Variants in CSMD3 observed in about 807,000 individuals in gnomAD.
The protein encoded by CSMD3 is CUB and sushi domain-containing protein 3.
Under a neutral mutation model 435.2 loss-of-function variants are expected in CSMD3, and 177 were observed. The observed-to-expected ratio is 0.41, with a 90% CI of 0.36 to 0.46. The LOEUF (loss-of-function observed/expected upper bound fraction) is 0.46, where lower values mean the gene tolerates loss of function less well. CSMD3 is among the 20% of genes least tolerant of loss of function. CSMD3 has a pLI of 0.34. For missense variants in CSMD3, 4,265 were observed against 4,504.6 expected, an observed-to-expected ratio of 0.95 and a Z score of 1.52; for synonymous variants, 1,656 against 1,520.5, an observed-to-expected ratio of 1.09 and a Z score of -2.07.
intron 37 of CSMD3, among the ~76,000 whole-genome samples, chr8:112,383,166 A>C (rs1437884037): frequency 1.3e-5 from 2 of 152,102 alleles, no homozygotes; most frequent in African/African-American, 2.4e-5. Context: ...TTCTCATTTA[A>C]CAGTACCTTG....
intron 61 of CSMD3, among the ~76,000 whole-genome samples, chr8:112,256,891 A>AT (rs1267057132): frequency 1.3e-5 from 2 of 152,096 alleles, no homozygotes; most frequent in Non-Finnish European, 2.9e-5. Flanking sequence ...GTGAAAGGGG[A>AT]TCCTAAATGT....
chr8:112,918,672 T>C (rs2082642879), intron 10 of CSMD3, among the ~76,000 whole-genome samples: 1 of 151,946 alleles, frequency 6.6e-6, no homozygotes, highest in Admixed American at 6.6e-5. Context: ...GCAAATACTT[T>C]GTATACATAA....
intron 37 of CSMD3, among the ~76,000 whole-genome samples, chr8:112,381,218 C>T (rs545779296): frequency 6.6e-6 from 1 of 152,220 alleles, no homozygotes; most frequent in Non-Finnish European, 1.5e-5. Flanking sequence ...ACCCTGACAG[C>T]AAAGCTGGTA....
At chr8:113,181,095 A>G (rs888753882) in intron 3 of CSMD3, among the ~76,000 whole-genome samples, 1 of 151,988 alleles carries the variant, frequency 6.6e-6, no homozygotes, top group Non-Finnish European at 1.5e-5. Flanking sequence ...ACTGGTTGCT[A>G]GAAAAGAAAT....
chr8:113,122,292 A>G (rs2091006873), intron 4 of CSMD3, among the ~76,000 whole-genome samples: 1 of 152,124 alleles, frequency 6.6e-6, no homozygotes, highest in Non-Finnish European at 1.5e-5. Context: ...TTGTTAATAA[A>G]CGTGCCCCAA....
At chr8:113,168,534 A>AAAAAAAAAC (rs2092203960) in intron 4 of CSMD3, among the ~76,000 whole-genome samples, 1 of 148,600 alleles carries the variant, frequency 6.7e-6, no homozygotes, top group African/African-American at 2.5e-5. Context: ...AAAAAAAAAA[A>AAAAAAAAAC]AAAAAAAAAA....
At chr8:113,144,213 C>T (rs1005441647) in intron 4 of CSMD3, among the ~76,000 whole-genome samples, 4 of 151,132 alleles carry the variant, frequency 2.6e-5, no homozygotes, top group Non-Finnish European at 4.4e-5. Flanking sequence ...ATGTTCTCAG[C>T]TTCAGAGACT....
intron 3 of CSMD3, among the ~76,000 whole-genome samples, chr8:113,236,733 C>T (rs577220110): frequency 4.6e-5 from 7 of 152,128 alleles, no homozygotes; most frequent in Admixed American, 1.3e-4. Flanking sequence ...TCCCAGCTTG[C>T]AGACAGCCTG....
intron 5 of CSMD3, among the ~76,000 whole-genome samples, chr8:113,068,616 C>T (rs908463476): frequency 1.3e-5 from 2 of 152,078 alleles, no homozygotes; most frequent in African/African-American, 2.4e-5. Context: ...TTTTACACTA[C>T]GGAAGTACAA....
intron 19 of CSMD3, among the ~76,000 whole-genome samples, chr8:112,646,210 G>A (rs2074975213): frequency 6.6e-6 from 1 of 152,136 alleles, no homozygotes; most frequent in Non-Finnish European, 1.5e-5. Context: ...AGGACTATAT[G>A]TCATGCAGCT....
chr8:112,775,408 T>C (rs1028453363), intron 13 of CSMD3, among the ~76,000 whole-genome samples: 2 of 151,896 alleles, frequency 1.3e-5, no homozygotes, highest in Non-Finnish European at 2.9e-5. Flanking sequence ...GTGATTTAAA[T>C]ATCACTGAAT....
chr8:112,657,061 C>CTT (rs11387284), intron 17 of CSMD3, among the ~76,000 whole-genome samples: 114 of 131,590 alleles, frequency 8.7e-4, no homozygotes, highest in South Asian at 1.4e-3. Flanking sequence ...TTTCTTTTTA[C>CTT]TTTTTTTTTT....
At chr8:112,553,003 A>G (rs1455893439) in intron 25 of CSMD3, among the ~76,000 whole-genome samples, 1 of 152,166 alleles carries the variant, frequency 6.6e-6, no homozygotes, top group Non-Finnish European at 1.5e-5. Flanking sequence ...AAACATTTTA[A>G]GATGTGTTGT....
intron 5 of CSMD3, among the ~76,000 whole-genome samples, chr8:113,066,625 C>T (rs2088871824): frequency 6.6e-6 from 1 of 151,888 alleles, no homozygotes. Flanking sequence ...GGCTAGTATT[C>T]CTGCTATAAA....
At chr8:113,147,089 A>G (rs2091693430) in intron 4 of CSMD3, among the ~76,000 whole-genome samples, 1 of 151,674 alleles carries the variant, frequency 6.6e-6, no homozygotes, top group Non-Finnish European at 1.5e-5. Context: ...GCAGCCTTTA[A>G]ATATGAATTA....
intron 32 of CSMD3, among the ~76,000 whole-genome samples, chr8:112,420,837 C>T (rs60665686): frequency 0.018 from 2,672 of 152,206 alleles, 79 homozygotes; most frequent in African/African-American, 0.061. Context: ...TGTTTCTCTC[C>T]GCTTTATGTG....
chr8:113,378,361 T>G (rs2094398831), intron 1 of CSMD3, among the ~76,000 whole-genome samples: 1 of 152,174 alleles, frequency 6.6e-6, no homozygotes, highest in South Asian at 2.1e-4. Context: ...CTTATGCAAA[T>G]GGTGAACCAA....
chr8:112,348,528 A>G (rs908207670), intron 40 of CSMD3, among the ~76,000 whole-genome samples: 1 of 152,128 alleles, frequency 6.6e-6, no homozygotes, highest in African/African-American at 2.4e-5. Flanking sequence ...CACTGCCAAT[A>G]TTTTAATACT....
rs546963801 is a variant in CSMD3, at chr8:112,949,758, A to T, written c.1421-1881T>A. 3.3e-5 allele frequency among the ~76,000 whole-genome samples: 5 copies of T among 152,070 alleles called. No individual in the cohort carries two copies. The South Asian group carries it at 8.3e-4, about 25-fold the overall frequency. On this transcript the variant is annotated intron_variant, in intron 8 of 70. Transcript: ENST00000297405. Reference sequence around the variant, plus strand: ...CTGCTCAAATCTCCAATTATTCTAGATTTTCTACTGTATCAATTTTATTTC... The same window carrying T: ...CTGCTCAAATCTCCAATTATTCTAGTTTTTCTACTGTATCAATTTTATTTC...
Sources: gnomAD v4.1 joint callset for allele counts (sites outside exome capture counted in the v4.1 genomes callset) on GRCh38, gnomAD v4.1.1 for gene constraint, MANE v1.5 for transcripts, NCBI Gene and HGNC (gene_info 2026-07-23, HGNC 2026-07-21) for gene names.